RELN: variants seen among roughly 807,000 people sequenced by gnomAD.
RELN encodes the protein reelin.
A neutral mutation model predicts 427.6 loss-of-function variants in RELN; 108 were observed. The observed-to-expected ratio is 0.25, with a 90% CI of 0.22 to 0.30. RELN has a LOEUF of 0.30. Ranked by LOEUF, RELN falls within the 10% of genes least tolerant of loss-of-function variation. The probability of loss-of-function intolerance (pLI) is 1.00; values close to 1 mark genes in which losing one functional copy is unlikely to be tolerated. For missense variants in RELN, 3,715 were observed against 4,302.8 expected (o/e 0.86, Z 3.82); for synonymous variants, 1,524 against 1,513.4 (o/e 1.01, Z -0.16).
At chr7:103,977,226 G>A (rs573526594) in intron 1 of RELN, among the ~76,000 whole-genome samples, 2 of 147,424 alleles carry the variant, frequency 1.4e-5, no homozygotes, top group East Asian at 2.0e-4. Flanking sequence ...CAGAAAAATC[G>A]CTTGAGCCCA....
intron 1 of RELN, among the ~76,000 whole-genome samples, chr7:103,976,746 C>A (rs1261182424): frequency 1.3e-5 from 2 of 152,132 alleles, no homozygotes; most frequent in Admixed American, 1.3e-4. Context: ...GAAGGTGGCA[C>A]TGAAAGCATT....
intron 16 of RELN, among the ~76,000 whole-genome samples, chr7:103,650,027 C>A (rs933302118): frequency 6.7e-6 from 1 of 150,096 alleles, no homozygotes; most frequent in African/African-American, 2.4e-5. Flanking sequence ...AGGTTTTATG[C>A]ATTTTTTATT....
intron 28 of RELN, among the ~76,000 whole-genome samples, chr7:103,584,464 G>A (rs1669857743): frequency 6.6e-6 from 1 of 152,100 alleles, no homozygotes. Context: ...TAAAAAGACT[G>A]AAAAGGGCAT....
chr7:103,793,311 A>G (rs1209673019), intron 3 of RELN, among the ~76,000 whole-genome samples: 1 of 152,220 alleles, frequency 6.6e-6, no homozygotes. Context: ...AGGCAAATCT[A>G]CAACTCTTAC....
At chr7:103,910,774 T>C (rs1442703429) in intron 2 of RELN, among the ~76,000 whole-genome samples, 1 of 117,050 alleles carries the variant, frequency 8.5e-6, no homozygotes, top group African/African-American at 3.7e-5. Flanking sequence ...ATTTAATAAA[T>C]GGTGCTGGGA....
At chr7:103,976,598 T>C (rs1796884435) in intron 1 of RELN, among the ~76,000 whole-genome samples, 1 of 152,120 alleles carries the variant, frequency 6.6e-6, no homozygotes, top group Non-Finnish European at 1.5e-5. Context: ...CTGGAGAGAC[T>C]ACAGAAGAAG....
chr7:103,862,412 TATCTATCTATCTATCTATCTATCTA>T (rs1794092329), intron 2 of RELN, among the ~76,000 whole-genome samples: 1 of 41,440 alleles, frequency 2.4e-5, no homozygotes, highest in Admixed American at 2.4e-4. Flanking sequence ...GCTTTTGTTC[TATCTATCTATCTATCTATCTATCTA>T]TCTATCTATC....
intron 2 of RELN, among the ~76,000 whole-genome samples, chr7:103,872,693 G>A (rs1036871681): frequency 3.4e-5 from 5 of 146,866 alleles, no homozygotes; most frequent in African/African-American, 1.2e-4. Flanking sequence ...GTGTAAAAGT[G>A]TTCCTATTTC....
chr7:103,792,818 T>G (rs1167600942), intron 3 of RELN, among the ~76,000 whole-genome samples: 1 of 151,904 alleles, frequency 6.6e-6, no homozygotes, highest in Non-Finnish European at 1.5e-5. Context: ...TATTAAAAAA[T>G]AAAATGGAAA....
chr7:103,668,152 C>A (rs1053155370), intron 11 of RELN, among the ~76,000 whole-genome samples: 1 of 152,120 alleles, frequency 6.6e-6, no homozygotes, highest in African/African-American at 2.4e-5. Context: ...ATAGCTTGAA[C>A]CTGAGAGGGG....
chr7:103,746,964 C>T (rs549703861), intron 6 of RELN, among the ~76,000 whole-genome samples: 3 of 152,244 alleles, frequency 2.0e-5, no homozygotes, highest in African/African-American at 4.8e-5. Flanking sequence ...CACATGCACA[C>T]GTATGTTTAT....
At chr7:103,543,793 C>G (rs981297169) in intron 42 of RELN, among the ~76,000 whole-genome samples, 1 of 152,106 alleles carries the variant, frequency 6.6e-6, no homozygotes, top group Admixed American at 6.5e-5. Flanking sequence ...ATTTTAACCA[C>G]GTCAAAGTAA....
chr7:103,856,569 C>CAAAAAAAAAAA (rs34695080), intron 2 of RELN, among the ~76,000 whole-genome samples: 2 of 80,350 alleles, frequency 2.5e-5, no homozygotes, highest in Admixed American at 1.4e-4. Flanking sequence ...AACTCCACCT[C>CAAAAAAAAAAA]AAAAAAAAAA....
chr7:103,833,809 T>G, intron 2 of RELN, 137 bp from the exon 3 acceptor site: 1 of 822,006 alleles, frequency 1.2e-6, no homozygotes, highest in Middle Eastern at 3.3e-4. Flanking sequence ...GTTATGTAAT[T>G]TTTCACTTTT....
At chr7:103,631,720 T>C (rs1832471267) in intron 19 of RELN, among the ~76,000 whole-genome samples, 1 of 152,148 alleles carries the variant, frequency 6.6e-6, no homozygotes, top group South Asian at 2.1e-4. Flanking sequence ...TTAAATTAAG[T>C]ATTTTAGTAA....
intron 57 of RELN, among the ~76,000 whole-genome samples, chr7:103,494,674 G>C (rs1262625143): frequency 6.6e-6 from 1 of 151,334 alleles, no homozygotes; most frequent in East Asian, 1.9e-4. Flanking sequence ...GTTTGCAATA[G>C]AGATACATCA....
chr7:103,748,403 T>A (rs1304107816), intron 6 of RELN, among the ~76,000 whole-genome samples: 3 of 152,152 alleles, frequency 2.0e-5, no homozygotes, highest in Non-Finnish European at 2.9e-5. Context: ...CATCTTCAAC[T>A]CTTAGGTCAA....
chr7:103,773,156 C>CTT (rs1465519875), intron 4 of RELN, among the ~76,000 whole-genome samples: 7 of 125,114 alleles, frequency 5.6e-5, no homozygotes, highest in African/African-American at 1.5e-4. Flanking sequence ...TTCTTTCTTT[C>CTT]TTTCTTTCTT....
At chr7:103,803,986 A>C (rs1792532609) in intron 3 of RELN, among the ~76,000 whole-genome samples, 1 of 152,124 alleles carries the variant, frequency 6.6e-6, no homozygotes, top group Non-Finnish European at 1.5e-5. Context: ...TTCTGTGTTT[A>C]AGATCTTCAA....
Sources: gnomAD v4.1 joint callset for allele counts (sites outside exome capture counted in the v4.1 genomes callset) on GRCh38, gnomAD v4.1.1 for gene constraint, MANE v1.5 for transcripts, NCBI Gene and HGNC (gene_info 2026-07-23, HGNC 2026-07-21) for gene names.